The following PC variants were observed in gnomAD, a reference collection of about 807,000 sequenced individuals.
The protein encoded by PC is pyruvate carboxylase, mitochondrial.
In PC, 46 loss-of-function variants were observed where a neutral mutation model predicts 107.8. That is an observed-to-expected ratio of 0.43 (90% CI 0.34 to 0.55). The LOEUF (loss-of-function observed/expected upper bound fraction) is 0.55. Ranked by LOEUF, PC falls within the 20% of genes least tolerant of loss-of-function variation. The probability of loss-of-function intolerance (pLI) is 0.04; values close to 1 mark genes in which losing one functional copy is unlikely to be tolerated. For synonymous variants in PC, 662 were observed against 684.7 expected (o/e 0.97, Z 0.52); for missense variants, 1,241 against 1,643.1 (o/e 0.76, Z 4.23).
intron 3 of PC, among the ~76,000 whole-genome samples, chr11:66,883,723 ATGTC>A (rs1004335306): frequency 1.3e-5 from 2 of 152,154 alleles, no homozygotes; most frequent in African/African-American, 2.4e-5. Flanking sequence ...AACTAAATAA[ATGTC>A]TGAGGGAATG....
At chr11:66,900,242 A>G (rs56803995) in intron 3 of PC, among the ~76,000 whole-genome samples, 9,556 of 132,084 alleles carry the variant, frequency 0.072, 330 homozygotes, top group African/African-American at 0.086. Flanking sequence ...GTGCAGTGGC[A>G]CGATCTCGGC....
Position 66,866,108 on chromosome 11 carries a change from TTGGCAC to T in PC, c.1185+73_1185+78del. The T allele has an allele frequency of 6.6e-7, 1 of 1,511,734 alleles. No individual in the cohort carries two copies. Among genetic ancestry groups the T allele is most frequent in the Non-Finnish European group, 9.0e-7 (1 of 1,110,682 alleles). 93.6% of individuals were successfully genotyped at this position (1,511,734 alleles called of 1,614,324 possible). On this transcript the variant is annotated intron_variant, in intron 11 of 22. Coordinates refer to ENST00000393960, the MANE Select transcript of PC (RefSeq NM_001040716.2). This position sits in a 1 kb window ranked among gnomAD's most constrained non-coding sequence, Gnocchi z 5.4. ...TCCCTAACTGCCGGGCTGTGGCAAC[TTGGCAC>T]TGCAGCCCCAGGCACCAGGCAGAAC...
intron 3 of PC, among the ~76,000 whole-genome samples, chr11:66,895,745 C>T (rs962789302): frequency 2.6e-5 from 4 of 151,936 alleles, no homozygotes; most frequent in Non-Finnish European, 1.5e-5. Context: ...CCAAGAGATC[C>T]AAAAACTAAA....
intron 3 of PC, among the ~76,000 whole-genome samples, chr11:66,947,165 G>C (rs577739219): frequency 6.6e-6 from 1 of 152,236 alleles, no homozygotes; most frequent in Admixed American, 6.6e-5. Context: ...GGAAATATAT[G>C]TTCACACAAA....
intron 3 of PC, among the ~76,000 whole-genome samples, chr11:66,926,936 A>T (rs1948731044): frequency 6.6e-6 from 1 of 151,496 alleles, no homozygotes. Flanking sequence ...GGTAGGCCAC[A>T]TTTTGTTTAG....
intron 3 of PC, among the ~76,000 whole-genome samples, chr11:66,920,551 G>C (rs528441335): frequency 6.6e-6 from 1 of 152,140 alleles, no homozygotes; most frequent in Non-Finnish European, 1.5e-5. Flanking sequence ...GAGCATCAGA[G>C]AGGACAGAGA....
Position 66,871,158 on chromosome 11 carries a change from G to A in PC, c.527C>T (p.Ser176Phe), listed in dbSNP as rs1946714990. 6.2e-7 allele frequency: 1 copy of A among 1,613,830 alleles called. No homozygotes were observed. Among genetic ancestry groups the A allele is most frequent in the East Asian group, 2.2e-5 (1 of 44,860 alleles). The part of the protein sequence containing the change: ...VVPGTDAPIT[S>F]LHEAHEFSNT... ...GGAGAACTCGTGGGCCTCATGCAGG[G>A]ACGTGATGGGGGCATCTGTGCCAGG... Residue 176 changes from serine to phenylalanine, a missense_variant, in exon 7 of 23, where the codon TCC (serine) becomes TTC (phenylalanine). This residue lies in a region of PC where 1,143 missense variants were observed against 1,551.9 expected (regional missense o/e 0.74). Coordinates refer to ENST00000393960, the MANE Select transcript of PC (RefSeq NM_001040716.2). This position sits in a 1 kb window ranked among gnomAD's most constrained non-coding sequence, Gnocchi z 7.4.
rs140141392 is a variant in PC, at chr11:66,913,619, G to A, written c.-1+38811C>T. Among the ~76,000 whole-genome samples the A allele has an allele frequency of 2.7e-3, 402 of 149,084 alleles. No individual in the cohort carries two copies. In the Middle Eastern group the frequency reaches 0.031, roughly 11 times the overall value. ...GGAGGTTGCAGTGAGTCAAGGTCACGCCACTGCACTTCAGCCTAGGCAACA... is the reference window on the plus strand; with the variant it reads ...GGAGGTTGCAGTGAGTCAAGGTCACACCACTGCACTTCAGCCTAGGCAACA... On this transcript the variant is annotated intron_variant, in intron 3 of 22. Coordinates refer to ENST00000393960, the MANE Select transcript of PC (RefSeq NM_001040716.2).
intron 3 of PC, among the ~76,000 whole-genome samples, chr11:66,894,317 T>C (rs1305715644): frequency 2.6e-5 from 4 of 152,094 alleles, no homozygotes; most frequent in African/African-American, 9.7e-5. Context: ...TTCTCAGAAA[T>C]CCTAGCACCT....
At position 66,852,336 on chromosome 11, in the gene PC, T is replaced by C; in HGVS notation, c.1825+103A>G. On this transcript the variant is annotated intron_variant, in intron 15 of 22. Transcript: ENST00000393960. The surrounding 1 kb of genome is among the most constrained non-coding windows in gnomAD (Gnocchi z 4.7). ...TTCGGTCCTTCCTCTTTGGTGTTCTTCGTGTCAGCGTCTCTAGCTTGTCCC... is the reference window on the plus strand; with the variant it reads ...TTCGGTCCTTCCTCTTTGGTGTTCTCCGTGTCAGCGTCTCTAGCTTGTCCC... The C allele has an allele frequency of 1.0e-6, 1 of 984,786 alleles. No individual in the cohort carries two copies. The highest frequency in any genetic ancestry group is 1.6e-6 in the Non-Finnish European group (1 of 618,844). The allele number at this position is 984,786 out of a possible 1,614,324, so 61.0% of individuals were successfully genotyped here.
At chr11:66,916,190 G>T (rs1473783748) in intron 3 of PC, among the ~76,000 whole-genome samples, 1 of 152,208 alleles carries the variant, frequency 6.6e-6, no homozygotes. Context: ...CGTAGGTCAG[G>T]CCAGGCCCAC....
At chr11:66,849,500 G>C in intron 21 of PC, 111 bp downstream of exon 21, 1 of 1,606,000 alleles carries the variant, frequency 6.2e-7, no homozygotes, top group Non-Finnish European at 8.5e-7. Flanking sequence ...CCGGTCTCAA[G>C]GGTCCTTTCT....
chr11:66,921,967 C>T (rs374844082), intron 3 of PC, among the ~76,000 whole-genome samples: 41 of 152,310 alleles, frequency 2.7e-4, no homozygotes, highest in African/African-American at 8.9e-4. Context: ...ACTGTGACAT[C>T]ACTCGCAAGG....
chr11:66,880,185 CT>C (rs755108866), intron 3 of PC, among the ~76,000 whole-genome samples: 3 of 152,216 alleles, frequency 2.0e-5, no homozygotes, highest in Non-Finnish European at 4.4e-5. Context: ...AAACCCAGGC[CT>C]TTCCAGAATC....
chr11:66,891,210 A>C (rs1462239360), intron 3 of PC, among the ~76,000 whole-genome samples: 3 of 149,310 alleles, frequency 2.0e-5, no homozygotes, highest in Non-Finnish European at 3.0e-5. Context: ...ATGTGCGCCA[A>C]CATGCCCAAC....
Position 66,870,992 on chromosome 11 carries a change from GC to G in PC, c.633+59del. On this transcript the variant is annotated intron_variant, in intron 7 of 22. Transcript: ENST00000393960. The surrounding 1 kb of genome is among the most constrained non-coding windows in gnomAD (Gnocchi z 6.1). ...ACTTTCCAGATCCCTTGAGTGGTCC[GC>G]CCCTGCCCCCACGGCAGGCTGCCCT... 1.2e-6 allele frequency: 2 copies of G among 1,609,392 alleles called. No homozygotes were observed. Among genetic ancestry groups the G allele is most frequent in the South Asian group, 2.2e-5 (2 of 90,984 alleles).
In PC at chr11:66,871,463, T is replaced by C. The variant is rs1946728114; in HGVS notation, c.339A>G (p.Ala113=). ...AGAGGAACCCGTAGCCAGGGTGCAC[T>C]GCATCTACGTTGTTCTCCTGCAGGT... ...IKVAKENNVD[A]VHPGYGFLSE... The change falls in exon 6 of 23, where the codon GCA becomes GCG. Residue 113 remains alanine (A), a synonymous_variant. Coordinates refer to ENST00000393960, the MANE Select transcript of PC (RefSeq NM_001040716.2). The surrounding 1 kb of genome is among the most constrained non-coding windows in gnomAD (Gnocchi z 7.4). The C allele has an allele frequency of 6.2e-7, 1 of 1,613,280 alleles. No individual in the cohort carries two copies.
chr11:66,868,988 G>C, intron 9 of PC, 24 bp from the exon 10 acceptor site: 1 of 1,572,930 alleles, frequency 6.4e-7, no homozygotes, highest in Non-Finnish European at 8.7e-7. Flanking sequence ...CACGTGAGCA[G>C]GGGAGGGCAC....
rs531283372 is a variant in PC at position 66,857,743 on chromosome 11, C to G, written c.1369-4360G>C. 3 of 1,590,546 alleles carry G rather than the reference C, an allele frequency of 1.9e-6. No homozygotes were observed. The highest frequency in any genetic ancestry group is 1.8e-4 in the Middle Eastern group (1 of 5,406). On this transcript the variant is annotated intron_variant, in intron 12 of 22. Transcript: ENST00000393960. The surrounding 1 kb of genome is among the most constrained non-coding windows in gnomAD (Gnocchi z 7.1). ...GTGGCCCCTTCCTACAGGGCGCTCACCATGGCCCCGCCGCTCCTGCTGCTG... is the reference window on the plus strand; with the variant it reads ...GTGGCCCCTTCCTACAGGGCGCTCAGCATGGCCCCGCCGCTCCTGCTGCTG...
Sources: gnomAD v4.1 joint callset for allele counts (sites outside exome capture counted in the v4.1 genomes callset) on GRCh38, gnomAD v4.1.1 for gene constraint, gnomAD v4.1.1 regional missense constraint, Gnocchi (gnomAD v3.1) non-coding constraint, MANE v1.5 for transcripts, NCBI Gene and HGNC (gene_info 2026-07-23, HGNC 2026-07-21) for gene names.